Variants in GAS6 observed in about 807,000 individuals in gnomAD.
GAS6 encodes growth arrest specific 6.
In GAS6, 41 loss-of-function variants were observed where a neutral mutation model predicts 75.8. The ratio of observed to expected loss-of-function variants is 0.54; its 90% confidence interval spans 0.42 to 0.70. The LOEUF (loss-of-function observed/expected upper bound fraction) is 0.70. GAS6 is among the 30% of genes least tolerant of loss of function. GAS6 has a pLI of 0.00. For synonymous variants in GAS6, 432 were observed against 412.6 expected (o/e 1.05, Z -0.57); for missense variants, 854 against 940.2 (o/e 0.91, Z 1.20).
intron 2 of GAS6, among the ~76,000 whole-genome samples, chr13:113,860,306 T>A (rs2051961252): frequency 6.6e-6 from 1 of 152,218 alleles, no homozygotes; most frequent in South Asian, 2.1e-4. Flanking sequence ...TTGTGCTTTG[T>A]ATCTCAGATA....
intron 4 of GAS6, chr13:113,840,437 C>T (rs1289053345): frequency 1.3e-5 from 2 of 152,886 alleles, no homozygotes; most frequent in African/African-American, 2.4e-5. Context: ...CACCTGGGCT[C>T]AGCTCCTGCA....
Position 113,828,622 on chromosome 13 carries a change from T to C in GAS6, c.1233A>G (p.Gln411=), listed in dbSNP as rs776227147. ...TCAGATGATACAGTCCTCGCTCCGG[T>C]TGGAACAAGTCCCCGGCCACCGCGA... ...MKIAVAGDLF[Q]PERGLYHLNL... Residue 411 remains glutamine (Q), a synonymous_variant, in exon 11 of 15, where the codon CAA becomes CAG. Coordinates refer to ENST00000327773, the MANE Select transcript of GAS6 (RefSeq NM_000820.4). 6.2e-7 allele frequency: 1 copy of C among 1,613,626 alleles called. No individual in the cohort carries two copies. Among genetic ancestry groups the C allele is most frequent in the African/African-American group, 1.3e-5 (1 of 75,060 alleles).
At chr13:113,835,692 G>A (rs1224948195) in intron 6 of GAS6, 57 bp from the exon 7 acceptor site, 4 of 1,589,306 alleles carry the variant, frequency 2.5e-6, no homozygotes, top group African/African-American at 1.3e-5. Context: ...GACGGGGCTG[G>A]GGCAGGCGGC....
At chr13:113,852,259 A>G (rs61360975) in intron 2 of GAS6, among the ~76,000 whole-genome samples, 19,349 of 152,180 alleles carry the variant, frequency 0.13, 1,999 homozygotes, top group African/African-American at 0.29. Context: ...TCTTCTTCCA[A>G]TGTGGCCCAC....
At chr13:113,858,238 G>A (rs1393899932) in intron 2 of GAS6, among the ~76,000 whole-genome samples, 1 of 152,238 alleles carries the variant, frequency 6.6e-6, no homozygotes, top group Non-Finnish European at 1.5e-5. Context: ...GCATGTGGCT[G>A]GGCATCCATG....
intron 2 of GAS6, among the ~76,000 whole-genome samples, chr13:113,856,238 G>A (rs948257017): frequency 6.6e-6 from 1 of 152,236 alleles, no homozygotes; most frequent in African/African-American, 2.4e-5. Flanking sequence ...ATGGGTGCCA[G>A]TATGCTCACA....
At chr13:113,860,206 G>T (rs898102343) in intron 2 of GAS6, among the ~76,000 whole-genome samples, 1 of 152,226 alleles carries the variant, frequency 6.6e-6, no homozygotes, top group Non-Finnish European at 1.5e-5. Flanking sequence ...CGGAGCACAG[G>T]CCTGGCCACA....
rs2051849645 is a variant in GAS6 at position 113,848,320 on chromosome 13, C to T, written c.256-270G>A. On this transcript the variant is annotated intron_variant, in intron 2 of 14. Coordinates refer to ENST00000327773, the MANE Select transcript of GAS6 (RefSeq NM_000820.4). This position sits in a 1 kb window ranked among gnomAD's most constrained non-coding sequence, Gnocchi z 4.8. ...GGACAAGAATGCTTCCAAGTAAAAC[C>T]CCACTCTTAGTTCCCTGTTGACATA... Among the ~76,000 whole-genome samples the T allele has an allele frequency of 6.6e-6, 1 of 152,130 alleles. No individual in the cohort carries two copies. Among genetic ancestry groups the T allele is most frequent in the African/African-American group, 2.4e-5 (1 of 41,416 alleles).
At chr13:113,833,662 A>G in intron 8 of GAS6, 3 of 1,001,314 alleles carry the variant, frequency 3.0e-6, no homozygotes, top group Non-Finnish European at 3.6e-6. Flanking sequence ...CCAGTGTGAC[A>G]GGTCGGTGTG....
intron 6 of GAS6, chr13:113,835,967 C>A (rs1594198427): frequency 9.7e-7 from 1 of 1,032,236 alleles, no homozygotes; most frequent in Non-Finnish European, 1.2e-6. Context: ...GGACACGGGG[C>A]CGTAAAAAGT....
At chr13:113,852,955 C>A (rs2051887575) in intron 2 of GAS6, among the ~76,000 whole-genome samples, 1 of 152,138 alleles carries the variant, frequency 6.6e-6, no homozygotes, top group Non-Finnish European at 1.5e-5. Context: ...AATCAGGCAG[C>A]ACCCAGCACG....
At chr13:113,839,406 C>T (rs1051767431) in intron 5 of GAS6, 4 of 243,686 alleles carry the variant, frequency 1.6e-5, no homozygotes, top group Admixed American at 5.9e-5. Flanking sequence ...TTCCCCCCCG[C>T]CTTTCAATCA....
chr13:113,846,403 C>T (rs2051833999), intron 4 of GAS6, 124 bp downstream of exon 4: 2 of 746,810 alleles, frequency 2.7e-6, no homozygotes, highest in African/African-American at 1.8e-5. Flanking sequence ...GGGAGCAGGC[C>T]TCGGCAAGGG....
chr13:113,838,327 CAG>C (rs2051738710), intron 5 of GAS6, 136 bp from the exon 6 acceptor site: 9 of 1,050,640 alleles, frequency 8.6e-6, no homozygotes, highest in Admixed American at 2.0e-5. Flanking sequence ...AGCCCTGGAG[CAG>C]AGAGAGATCC....
intron 2 of GAS6, among the ~76,000 whole-genome samples, chr13:113,860,990 G>C (rs1333021937): frequency 1.3e-5 from 2 of 151,188 alleles, no homozygotes; most frequent in East Asian, 1.9e-4. Flanking sequence ...GGCCAGGTGG[G>C]CACAGAGGTT....
At chr13:113,842,785 T>G in intron 4 of GAS6, 2 of 396,828 alleles carry the variant, frequency 5.0e-6, no homozygotes, top group Non-Finnish European at 8.8e-6. Context: ...GGTTAGAGAT[T>G]AAAGCCATTT....
intron 8 of GAS6, 34 bp from the exon 9 acceptor site, chr13:113,832,786 G>C: frequency 6.2e-7 from 1 of 1,611,726 alleles, no homozygotes. Flanking sequence ...GGTCGGGGAT[G>C]TGGCCTTCAC....
intron 11 of GAS6, 150 bp from the exon 12 acceptor site, chr13:113,827,314 A>C: frequency 1.4e-6 from 1 of 720,840 alleles, no homozygotes; most frequent in Admixed American, 2.5e-5. Context: ...CATTTCACAG[A>C]AGGTTTCTTC....
At chr13:113,825,739 T>C (rs2051528783) in intron 12 of GAS6, among the ~76,000 whole-genome samples, 1 of 152,242 alleles carries the variant, frequency 6.6e-6, no homozygotes, top group Admixed American at 6.5e-5. Flanking sequence ...GGAGAACGCG[T>C]GTGCACAGTC....
Sources: allele counts gnomAD v4.1 joint callset (sites outside exome capture counted in the v4.1 genomes callset), GRCh38; gene constraint gnomAD v4.1.1; non-coding constraint Gnocchi (gnomAD v3.1); transcripts MANE v1.5; gene names NCBI Gene and HGNC (gene_info 2026-07-23, HGNC 2026-07-21).